CPM: variants seen among roughly 807,000 people sequenced by gnomAD.
The protein encoded by CPM is carboxypeptidase M.
A neutral mutation model predicts 46.4 loss-of-function variants in CPM; 35 were observed. That is an observed-to-expected ratio of 0.75 (90% CI 0.58 to 1.00). CPM has a LOEUF of 1.00. Ranked by LOEUF, CPM falls within the 50% of genes least tolerant of loss-of-function variation. The pLI is 0.00. For missense variants in CPM, 422 were observed against 530.4 expected (o/e 0.80, Z 2.01); for synonymous variants, 195 against 195.3 (o/e 1.00, Z 0.01).
intron 2 of CPM, among the ~76,000 whole-genome samples, chr12:68,917,647 C>T (rs1310005104): frequency 6.6e-6 from 1 of 152,214 alleles, no homozygotes; most frequent in African/African-American, 2.4e-5. Context: ...CCCTGAAATG[C>T]TTACTAATTA....
In CPM at chr12:68,930,902, G is replaced by A. The variant is rs569780248; in HGVS notation, c.160+1776C>T. 2.0e-5 allele frequency among the ~76,000 whole-genome samples: 3 copies of A among 152,308 alleles called. No individual in the cohort carries two copies. In the East Asian group the frequency reaches 5.8e-4, roughly 29 times the overall value. ...ACAACATCCTCATCATCTTGTGGTT[G>A]AAATGATGACTGAACAATAACTCAA... is the stretch of plus-strand genomic sequence containing the variant. On this transcript the variant is annotated intron_variant, in intron 2 of 8. Transcript: ENST00000551568.
At chr12:68,864,450 CAAAA>C (rs1024296852) in intron 7 of CPM, among the ~76,000 whole-genome samples, 1 of 151,866 alleles carries the variant, frequency 6.6e-6, no homozygotes, top group African/African-American at 2.4e-5. Context: ...GTCTCAAAAA[CAAAA>C]AAACAAAACC....
chr12:68,961,983 G>A (rs144075354), intron 1 of CPM, among the ~76,000 whole-genome samples: 10 of 152,100 alleles, frequency 6.6e-5, no homozygotes, highest in Non-Finnish European at 1.5e-4. Flanking sequence ...GGCGGATCAC[G>A]AGGTCAGCAG....
intron 4 of CPM, 108 bp from the exon 5 acceptor site, chr12:68,870,507 T>C: frequency 1.0e-6 from 1 of 960,012 alleles, no homozygotes; most frequent in Non-Finnish European, 1.5e-6. Flanking sequence ...CAAACGTGAG[T>C]ATGGGTGTGG....
chr12:68,905,838 C>T (rs985025111), intron 2 of CPM, among the ~76,000 whole-genome samples: 3 of 152,124 alleles, frequency 2.0e-5, no homozygotes, highest in African/African-American at 7.2e-5. Flanking sequence ...TGTGTCCACC[C>T]ACCAGAAATG....
chr12:68,935,174 C>T (rs7968159), upstream of CPM, among the ~76,000 whole-genome samples: 1,240 of 151,692 alleles, frequency 8.2e-3, 16 homozygotes, highest in African/African-American at 0.028. Context: ...CCTCCCAGAT[C>T]GCTGGGATTA....
At chr12:68,917,858 C>T (rs1272748823) in intron 2 of CPM, among the ~76,000 whole-genome samples, 1 of 152,118 alleles carries the variant, frequency 6.6e-6, no homozygotes, top group Admixed American at 6.5e-5. Context: ...TGGGTGGAGG[C>T]GTTTTGCATA....
chr12:68,896,937 T>G (rs950933690), intron 2 of CPM, among the ~76,000 whole-genome samples: 8 of 151,622 alleles, frequency 5.3e-5, no homozygotes, highest in African/African-American at 1.9e-4. Flanking sequence ...AGGAAAAATC[T>G]GAAGCTGCAT....
chr12:68,889,506 A>C (rs1468967374), intron 2 of CPM, among the ~76,000 whole-genome samples: 2 of 152,188 alleles, frequency 1.3e-5, no homozygotes, highest in African/African-American at 2.4e-5. Flanking sequence ...AAAAACCTAT[A>C]GCTTCGTAGC....
chr12:68,866,899 G>T lies in CPM; in HGVS notation c.937C>A (p.Leu313Ile). The T allele has an allele frequency of 6.2e-7, 1 of 1,611,610 alleles. No individual in the cohort carries two copies. The highest frequency in any genetic ancestry group is 8.5e-7 in the Non-Finnish European group (1 of 1,179,176). Residue 313 changes from leucine (L) to isoleucine (I), a missense_variant, in exon 7 of 9, where the codon CTA becomes ATA. Coordinates refer to ENST00000551568, the MANE Select transcript of CPM (RefSeq NM_198320.5). Reference sequence around the variant, plus strand: ...TTAATAAGAAAATTTTACAAACCTAGGTGCACCTGCTTTATATATTCAATT... The same window carrying T: ...TTAATAAGAAAATTTTACAAACCTATGTGCACCTGCTTTATATATTCAATT... ...SLIEYIKQVH[L>I]GVKGQVFDQN...
At chr12:68,936,376 A>G (rs1176628374), upstream of CPM, among the ~76,000 whole-genome samples, 2 of 151,986 alleles carry the variant, frequency 1.3e-5, no homozygotes, top group African/African-American at 4.8e-5. Context: ...TTTAGAGGTG[A>G]TCTTCTTTCT....
intron 1 of CPM, among the ~76,000 whole-genome samples, chr12:68,962,016 C>T (rs550135342): frequency 9.9e-5 from 15 of 152,042 alleles, no homozygotes; most frequent in South Asian, 4.2e-4. Flanking sequence ...CTGGCTAACG[C>T]GGTGAAACCC....
intron 2 of CPM, among the ~76,000 whole-genome samples, chr12:68,909,823 T>G (rs945527789): frequency 1.3e-4 from 4 of 31,070 alleles, no homozygotes; most frequent in South Asian, 1.3e-3. Context: ...CATCACACAC[T>G]GGGGCCTGTT....
chr12:68,882,172 G>A (rs1886225673), intron 3 of CPM, among the ~76,000 whole-genome samples: 1 of 151,736 alleles, frequency 6.6e-6, no homozygotes, highest in Non-Finnish European at 1.5e-5. Context: ...TTTGGTGTAT[G>A]GATTATTTCA....
chr12:68,877,490 T>A (rs1264003114), intron 3 of CPM, among the ~76,000 whole-genome samples: 1 of 152,242 alleles, frequency 6.6e-6, no homozygotes, highest in Non-Finnish European at 1.5e-5. Flanking sequence ...GAAGGATTTT[T>A]AAATACCGAA....
At chr12:68,926,704 C>T (rs577274648) in intron 2 of CPM, among the ~76,000 whole-genome samples, 1 of 152,068 alleles carries the variant, frequency 6.6e-6, no homozygotes, top group African/African-American at 2.4e-5. Flanking sequence ...TAATGCTATC[C>T]CTCCCCGCTC....
chr12:68,873,134 C>G (rs1885784036), intron 3 of CPM, among the ~76,000 whole-genome samples: 1 of 152,208 alleles, frequency 6.6e-6, no homozygotes, highest in Non-Finnish European at 1.5e-5. Context: ...AATGAGAACT[C>G]AGGGGCAGCA....
In CPM at chr12:68,881,760, G is replaced by A. The variant is rs183115424; in HGVS notation, c.258+4032C>T. 1.4e-3 allele frequency among the ~76,000 whole-genome samples: 208 copies of A among 146,568 alleles called. 1 individual carries two copies. Among genetic ancestry groups the A allele is most frequent in the African/African-American group, 4.4e-3 (174 of 39,694 alleles). On this transcript the variant is annotated intron_variant, in intron 3 of 8. Transcript: ENST00000551568. Reference sequence around the variant, plus strand: ...TTTTTTGAGACAGTCTCACTCTGTCGCCCAGGCTGGAGTGCAGTGGCATGA... The same window carrying A: ...TTTTTTGAGACAGTCTCACTCTGTCACCCAGGCTGGAGTGCAGTGGCATGA...
At position 68,856,268 on chromosome 12, in the gene CPM, C is replaced by G. The variant is rs1033616890; in HGVS notation, c.*169G>C. The G allele has an allele frequency of 1.5e-5, 11 of 712,190 alleles. No homozygotes were observed. The highest frequency in any genetic ancestry group is 2.8e-5 in the Admixed American group (1 of 35,632). 44.1% of individuals were successfully genotyped at this position (712,190 alleles called of 1,614,324 possible). A position where few individuals can be genotyped will look rare whatever the true frequency, so the allele number is the denominator to read the frequency against. On this transcript the variant is annotated 3_prime_UTR_variant, in exon 9 of 9. Coordinates refer to ENST00000551568, the MANE Select transcript of CPM (RefSeq NM_198320.5). ...AAGACTGAATCATTCTTTTCATTATCACCACATATTGCTTATTGTGGAATT... is the reference window on the plus strand; with the variant it reads ...AAGACTGAATCATTCTTTTCATTATGACCACATATTGCTTATTGTGGAATT...
Sources: gnomAD v4.1 joint callset for allele counts (sites outside exome capture counted in the v4.1 genomes callset) on GRCh38, gnomAD v4.1.1 for gene constraint, MANE v1.5 for transcripts, NCBI Gene and HGNC (gene_info 2026-07-23, HGNC 2026-07-21) for gene names.